MGAT4C: variants seen among roughly 807,000 people sequenced by gnomAD.
MGAT4C encodes alpha-1,3-mannosyl-glycoprotein 4-beta-N-acetylglucosaminyltransferase C.
A neutral mutation model predicts 40.1 loss-of-function variants in MGAT4C; 19 were observed. That is an observed-to-expected ratio of 0.47 (90% CI 0.33 to 0.70). The LOEUF is 0.70. Among genes scored for constraint, MGAT4C ranks in the 30% least tolerant of loss-of-function variants. The pLI, the probability that MGAT4C is intolerant of heterozygous loss-of-function variation, is 0.02. For missense variants in MGAT4C, 491 were observed against 563.2 expected, an observed-to-expected ratio of 0.87 and a Z score of 1.30; for synonymous variants, 181 against 187.1, an observed-to-expected ratio of 0.97 and a Z score of 0.27.
intron 1 of MGAT4C, among the ~76,000 whole-genome samples, chr12:86,157,386 C>A (rs914213650): frequency 6.6e-6 from 1 of 151,802 alleles, no homozygotes; most frequent in East Asian, 1.9e-4. Context: ...TGAAATAATT[C>A]AAAATGAGAT....
At position 86,684,784 on chromosome 12, in the gene MGAT4C, G is replaced by C. The variant is rs149429695; in HGVS notation, c.-229+42425C>G. On this transcript the variant is annotated intron_variant, in intron 2 of 7. Coordinates refer to the MGAT4C transcript ENST00000548651. ...GATTTTCATTTCTCTAATGACCGAT[G>C]ATGATGAGCTTTTTTTTTTTCATAT... Among the ~76,000 whole-genome samples, 1,320 of 152,014 alleles carry C rather than the reference G, an allele frequency of 8.7e-3. 7 individuals carry two copies. The highest frequency in any genetic ancestry group is 0.017 in the Middle Eastern group (5 of 294).
At chr12:86,462,800 A>T (rs1957621696) in intron 2 of MGAT4C, among the ~76,000 whole-genome samples, 1 of 152,172 alleles carries the variant, frequency 6.6e-6, no homozygotes, top group Non-Finnish European at 1.5e-5. Flanking sequence ...CGGAAGACTC[A>T]GCATGTATGC....
chr12:86,405,516 T>C (rs1789536142), intron 3 of MGAT4C, among the ~76,000 whole-genome samples: 2 of 152,140 alleles, frequency 1.3e-5, no homozygotes, highest in South Asian at 4.1e-4. Context: ...ATTGGGTTTA[T>C]GGATCAATTG....
intron 1 of MGAT4C, among the ~76,000 whole-genome samples, chr12:86,825,575 G>C (rs1465362361): frequency 6.6e-6 from 1 of 151,312 alleles, no homozygotes; most frequent in Non-Finnish European, 1.5e-5. Context: ...TCACATAAGA[G>C]CTTCGATATA....
At chr12:86,138,766 G>C (rs1036757962) in intron 1 of MGAT4C, among the ~76,000 whole-genome samples, 2 of 151,292 alleles carry the variant, frequency 1.3e-5, no homozygotes, top group Non-Finnish European at 2.9e-5. Context: ...AAATTAACAA[G>C]AGAACTGCTG....
chr12:86,219,390 C>T (rs1300282870), intron 1 of MGAT4C, among the ~76,000 whole-genome samples: 2 of 151,810 alleles, frequency 1.3e-5, no homozygotes, highest in African/African-American at 4.8e-5. Flanking sequence ...TTGTTCATAA[C>T]CTATGTCTGA....
At chr12:86,115,402 C>T (rs1878244324) in intron 1 of MGAT4C, among the ~76,000 whole-genome samples, 1 of 151,718 alleles carries the variant, frequency 6.6e-6, no homozygotes, top group Non-Finnish European at 1.5e-5. Context: ...TTTAATGATA[C>T]AATACTAATT....
intron 1 of MGAT4C, among the ~76,000 whole-genome samples, chr12:86,184,217 A>C (rs964918650): frequency 1.3e-5 from 2 of 152,042 alleles, no homozygotes; most frequent in Non-Finnish European, 2.9e-5. Context: ...TCTCTACTAA[A>C]AATACAAAAA....
chr12:86,527,248 C>T lies in MGAT4C; in HGVS notation c.-228-91983G>A, dbSNP rs112636340. ...TATAATTATCCAGTTTCTCCAGCAA[C>T]ATTTATTGAAAATACTGTTCTTTCT... On this transcript the variant is annotated intron_variant, in intron 2 of 7. Transcript: ENST00000548651. Among the ~76,000 whole-genome samples the T allele has an allele frequency of 3.3e-3, 510 of 152,280 alleles. 1 individual carries two copies. The highest frequency in any genetic ancestry group is 0.012 in the African/African-American group (493 of 41,560).
At chr12:86,584,554 C>T (rs1395777454) in intron 2 of MGAT4C, among the ~76,000 whole-genome samples, 1 of 150,914 alleles carries the variant, frequency 6.6e-6, no homozygotes, top group Non-Finnish European at 1.5e-5. Context: ...TTTCTTTTAC[C>T]TATTTTGTAT....
Position 86,016,884 on chromosome 12 carries a change from G to A in MGAT4C, c.-6-27332C>T, listed in dbSNP as rs188285356. Among the ~76,000 whole-genome samples the A allele has an allele frequency of 5.6e-4, 85 of 151,926 alleles. 2 individuals carry two copies. The highest frequency in any genetic ancestry group is 2.6e-4 in the Non-Finnish European group (18 of 67,968). On this transcript the variant is annotated intron_variant, in intron 2 of 4. Transcript: ENST00000611864. ...ATTTGTCTCTCATTTTAATATCCAT[G>A]GATTTGCTCTCTTATCAATTCTCTC...
In MGAT4C at chr12:86,088,843, C is replaced by T. The variant is rs74573456; in HGVS notation, c.-56-39120G>A. Among the ~76,000 whole-genome samples the T allele has an allele frequency of 7.8e-3, 1,184 of 152,112 alleles. 9 individuals are homozygous for T. Among genetic ancestry groups the T allele is most frequent in the Non-Finnish European group, 0.011 (774 of 67,942 alleles). On this transcript the variant is annotated intron_variant, in intron 1 of 4. Transcript: ENST00000611864. ...TGTGGAAAGCAGTGTGGTGATTCCTCAAGGACCTAAAAGTAGAACTTATTT... is the reference window on the plus strand; with the variant it reads ...TGTGGAAAGCAGTGTGGTGATTCCTTAAGGACCTAAAAGTAGAACTTATTT...
intron 2 of MGAT4C, among the ~76,000 whole-genome samples, chr12:86,720,374 GC>G (rs1177421538): frequency 1.3e-5 from 2 of 152,090 alleles, no homozygotes; most frequent in African/African-American, 4.8e-5. Context: ...GTCCTACAAA[GC>G]CCTCAGGTTC....
intron 3 of MGAT4C, among the ~76,000 whole-genome samples, chr12:86,427,106 G>T (rs1053363919): frequency 5.9e-5 from 9 of 152,188 alleles, no homozygotes; most frequent in African/African-American, 2.2e-4. Context: ...CACAGATTTG[G>T]GATACTATTG....
intron 3 of MGAT4C, among the ~76,000 whole-genome samples, chr12:86,383,715 C>T (rs1955997809): frequency 6.6e-6 from 1 of 152,024 alleles, no homozygotes; most frequent in Non-Finnish European, 1.5e-5. Context: ...AAGTAACTAA[C>T]TTGGTTTTGA....
chr12:86,025,960 A>G (rs1890205462), intron 2 of MGAT4C, among the ~76,000 whole-genome samples: 1 of 151,760 alleles, frequency 6.6e-6, no homozygotes, highest in Non-Finnish European at 1.5e-5. Context: ...AAACTGCTAA[A>G]TGGTTCAATA....
chr12:86,705,234 CTATCTATCTATCT>C (rs1950433832), intron 2 of MGAT4C, among the ~76,000 whole-genome samples: 1 of 149,738 alleles, frequency 6.7e-6, no homozygotes. Flanking sequence ...ATCTATCTAT[CTATCTATCTATCT>C]ATCTATCTAT....
At chr12:86,455,067 T>C (rs1957488419) in intron 2 of MGAT4C, among the ~76,000 whole-genome samples, 1 of 152,158 alleles carries the variant, frequency 6.6e-6, no homozygotes, top group South Asian at 2.1e-4. Flanking sequence ...TGATTGTGAA[T>C]CCTTTTATTT....
chr12:86,765,346 C>T (rs1401614137), intron 1 of MGAT4C, among the ~76,000 whole-genome samples: 1 of 152,064 alleles, frequency 6.6e-6, no homozygotes, highest in African/African-American at 2.4e-5. Flanking sequence ...AACAAAGCCT[C>T]CAAGAAATAT....
Sources: allele counts gnomAD v4.1 joint callset (sites outside exome capture counted in the v4.1 genomes callset), GRCh38; gene constraint gnomAD v4.1.1; transcripts MANE v1.5; gene names NCBI Gene and HGNC (gene_info 2026-07-23, HGNC 2026-07-21).